The following TULP2 variants were observed in gnomAD, a reference collection of about 807,000 sequenced individuals.
TULP2 encodes TUB like protein 2, also known as tubby-related protein 2.
A neutral mutation model predicts 60.3 loss-of-function variants in TULP2; 64 were observed. The ratio of observed to expected loss-of-function variants is 1.06; its 90% CI spans 0.87 to 1.31. The LOEUF (loss-of-function observed/expected upper bound fraction) is 1.31. Among genes scored for constraint, TULP2 ranks in the 50% most tolerant of loss-of-function variants. The probability of loss-of-function intolerance (pLI) is 0.00; values close to 1 mark genes in which losing one functional copy is unlikely to be tolerated. For missense variants in TULP2, 652 were observed against 667.0 expected (o/e 0.98, Z 0.25); for synonymous variants, 267 against 265.4 (o/e 1.01, Z -0.06).
intron 3 of TULP2, 156 bp from the exon 4 acceptor site, chr19:48,896,712 C>T: frequency 3.5e-6 from 3 of 867,322 alleles, no homozygotes; most frequent in Non-Finnish European, 5.0e-6. Flanking sequence ...TCTTCAGCAG[C>T]TCCTCCCTTA....
chr19:48,898,012 G>T, intron 1 of TULP2, 143 bp from the exon 2 acceptor site: 1 of 615,332 alleles, frequency 1.6e-6, no homozygotes, highest in Non-Finnish European at 2.3e-6. Context: ...TCGCTCTGTC[G>T]CCCAGGCTGC....
chr19:48,897,510 G>A lies in TULP2; in HGVS notation c.33-114C>T. The A allele has an allele frequency of 9.4e-7, 1 of 1,067,550 alleles. No individual in the cohort carries two copies. Among genetic ancestry groups the A allele is most frequent in the South Asian group, 1.4e-5 (1 of 73,634 alleles). 66.1% of individuals were successfully genotyped at this position (1,067,550 alleles called of 1,614,324 possible). A position where few individuals can be genotyped will look rare whatever the true frequency, so the allele number is the denominator to read the frequency against. ...CAGCTTGGGTTCTGGGCACCTGTGA[G>A]GTCACAGGAGGTGCAGAACCTGAGC... On this transcript the variant is annotated intron_variant, in intron 2 of 12. Coordinates refer to ENST00000221399, the MANE Select transcript of TULP2 (RefSeq NM_003323.3). The surrounding 1 kb of genome is among the most constrained non-coding windows in gnomAD (Gnocchi z 4.0).
chr19:48,891,602 G>A (rs1472334610), intron 6 of TULP2, among the ~76,000 whole-genome samples: 1 of 152,226 alleles, frequency 6.6e-6, no homozygotes, highest in African/African-American at 2.4e-5. Context: ...CTGCGCTCCA[G>A]CCTGAAGGGG....
At chr19:48,882,594 C>T (rs1210533736) in intron 11 of TULP2, among the ~76,000 whole-genome samples, 1 of 152,120 alleles carries the variant, frequency 6.6e-6, no homozygotes, top group Non-Finnish European at 1.5e-5. Flanking sequence ...ACCCTACTGC[C>T]GTGTAGGGTT....
chr19:48,881,869 C>T (rs1254549670), intron 12 of TULP2, 163 bp downstream of exon 12: 13 of 927,792 alleles, frequency 1.4e-5, no homozygotes, highest in Admixed American at 2.4e-5. Flanking sequence ...AGCCAGAAAC[C>T]CTGAGGGTGT....
At chr19:48,889,424 G>A in intron 7 of TULP2, 86 bp downstream of exon 7, 1 of 1,485,230 alleles carries the variant, frequency 6.7e-7, no homozygotes. Context: ...TTCTGATTGG[G>A]TGGCAGAATT....
chr19:48,887,811 G>C, intron 8 of TULP2, 139 bp downstream of exon 8: 1 of 895,248 alleles, frequency 1.1e-6, no homozygotes, highest in Non-Finnish European at 1.7e-6. Context: ...ACCCGCTTCA[G>C]CCTCCCAAAG....
chr19:48,897,535 C>A lies in TULP2; in HGVS notation c.33-139G>T. On this transcript the variant is annotated intron_variant, in intron 2 of 12. Transcript: ENST00000221399. This position sits in a 1 kb window ranked among gnomAD's most constrained non-coding sequence, Gnocchi z 4.0. ...GGTCACAGGAGGTGCAGAACCTGAG[C>A]CTGCTCCACCAGTTATAGGGCCCTT... 2 of 845,550 alleles carry A rather than the reference C, an allele frequency of 2.4e-6. No individual in the cohort carries two copies. Among genetic ancestry groups the A allele is most frequent in the Non-Finnish European group, 3.8e-6 (2 of 524,150 alleles). 52.4% of individuals were successfully genotyped at this position (845,550 alleles called of 1,614,324 possible). A position where few individuals can be genotyped will look rare whatever the true frequency, so the allele number is the denominator to read the frequency against.
intron 6 of TULP2, among the ~76,000 whole-genome samples, chr19:48,891,655 A>T (rs1217288172): frequency 2.0e-5 from 3 of 152,144 alleles, no homozygotes; most frequent in Non-Finnish European, 4.4e-5. Context: ...CAAGGTGGAG[A>T]CGAGCGGCTG....
At position 48,884,018 on chromosome 19, in the gene TULP2, T is replaced by G. The variant is rs1319059754; in HGVS notation, c.1090A>C (p.Ile364Leu). ...RSNVFSTKFT[I>L]FDNGVNPDRE... ...TCAGGATTCACCCCATTGTCAAAGA[T>G]GGTGAACTTGGTGCTGAAGACATTG... Residue 364 changes from isoleucine (I) to leucine (L), a missense_variant, in exon 10 of 13, where the codon ATC becomes CTC. Coordinates refer to ENST00000221399, the MANE Select transcript of TULP2 (RefSeq NM_003323.3). 4 of 1,614,118 alleles carry G rather than the reference T, an allele frequency of 2.5e-6. No homozygotes were observed. In the Admixed American group the frequency reaches 6.7e-5, roughly 27 times the overall value.
At chr19:48,887,499 T>C (rs2037192005) in intron 8 of TULP2, among the ~76,000 whole-genome samples, 1 of 151,476 alleles carries the variant, frequency 6.6e-6, no homozygotes, top group Non-Finnish European at 1.5e-5. Flanking sequence ...CAATTTTGTA[T>C]TTTTTGTAAA....
intron 9 of TULP2, 94 bp downstream of exon 9, chr19:48,885,354 G>A (rs907049425): frequency 1.1e-5 from 11 of 996,948 alleles, no homozygotes; most frequent in Admixed American, 4.1e-5. Flanking sequence ...TGAGCAGGTG[G>A]AAGGTATGCT....
chr19:48,891,039 G>C (rs975429422), intron 6 of TULP2, among the ~76,000 whole-genome samples: 4 of 152,126 alleles, frequency 2.6e-5, no homozygotes, highest in African/African-American at 9.7e-5. Context: ...TTATGGCCGG[G>C]CACGGTGGCT....
chr19:48,892,054 C>T (rs2037237894), intron 6 of TULP2, among the ~76,000 whole-genome samples: 1 of 152,212 alleles, frequency 6.6e-6, no homozygotes, highest in South Asian at 2.1e-4. Context: ...AATGTATGGT[C>T]GGTTTTACAC....
intron 4 of TULP2, among the ~76,000 whole-genome samples, chr19:48,896,097 C>T (rs1010465649): frequency 6.6e-6 from 1 of 152,082 alleles, no homozygotes; most frequent in African/African-American, 2.4e-5. Flanking sequence ...GGTGGGGGTC[C>T]CGGCTTTCCC....
In TULP2 at chr19:48,885,538, T is replaced by G. The variant is rs760911202; in HGVS notation, c.971A>C (p.Lys324Thr). 1 of 1,613,942 alleles carries G rather than the reference T, an allele frequency of 6.2e-7. No individual in the cohort carries two copies. The highest frequency in any genetic ancestry group is 8.5e-7 in the Non-Finnish European group (1 of 1,179,906). ...ATTAGAAGTTTTGCTCCTTCTTCTC[T>G]TTCGCCCAGCCAGGAGGAAGCGCTA... ...SLQRFLLAGR[K>T]RRRSKTSNYL... Residue 324 changes from lysine to threonine, a missense_variant, in exon 9 of 13, where the codon AAG (lysine) becomes ACG (threonine). By Grantham distance (78) the Lys-to-Thr change is moderately conservative (BLOSUM62 -1). Coordinates refer to ENST00000221399, the MANE Select transcript of TULP2 (RefSeq NM_003323.3).
In TULP2 at chr19:48,897,398, T is replaced by A; in HGVS notation, c.33-2A>T. 1 of 1,613,648 alleles carries A rather than the reference T, an allele frequency of 6.2e-7. No homozygotes were observed. Among genetic ancestry groups the A allele is most frequent in the Non-Finnish European group, 8.5e-7 (1 of 1,179,828 alleles). ...GCAGCGAGCTCATGCCCCAGGATGC[T>A]GAGAGAGACACAGGCCCATGGTGAC... is the stretch of plus-strand genomic sequence containing the variant. On this transcript the variant is annotated splice_acceptor_variant, in intron 2 of 12. Coordinates refer to ENST00000221399, the MANE Select transcript of TULP2 (RefSeq NM_003323.3). LOFTEE classifies it high-confidence loss of function. The surrounding 1 kb of genome is among the most constrained non-coding windows in gnomAD (Gnocchi z 4.0).
chr19:48,882,661 T>G (rs2037145200), intron 11 of TULP2, among the ~76,000 whole-genome samples: 1 of 151,980 alleles, frequency 6.6e-6, no homozygotes, highest in African/African-American at 2.4e-5. Context: ...GCTAGCAACT[T>G]AGAACTTTTT....
intron 4 of TULP2, 64 bp downstream of exon 4, chr19:48,896,366 C>A: frequency 6.6e-7 from 1 of 1,514,522 alleles, no homozygotes; most frequent in Non-Finnish European, 8.8e-7. Context: ...TCCACTAGGC[C>A]CCGCCCACAG....
Sources: allele counts gnomAD v4.1 joint callset (sites outside exome capture counted in the v4.1 genomes callset), GRCh38; gene constraint gnomAD v4.1.1; non-coding constraint Gnocchi (gnomAD v3.1); transcripts MANE v1.5; gene names NCBI Gene and HGNC (gene_info 2026-07-23, HGNC 2026-07-21).